DIPK1A: variants seen among roughly 807,000 people sequenced by gnomAD.
The protein encoded by DIPK1A is family with sequence similarity 69 member A.
In DIPK1A, 27 loss-of-function variants were observed where a neutral mutation model predicts 40.8. That is an observed-to-expected ratio of 0.66 (90% confidence interval 0.49 to 0.91). The LOEUF (loss-of-function observed/expected upper bound fraction) is 0.91. DIPK1A is among the 40% of genes least tolerant of loss of function. DIPK1A has a pLI of 0.00. For synonymous variants in DIPK1A, 166 were observed against 171.3 expected (o/e 0.97, Z 0.24); for missense variants, 412 against 505.7 (o/e 0.81, Z 1.78).
At chr1:92,902,253 C>T (rs187310165) in intron 1 of DIPK1A, among the ~76,000 whole-genome samples, 353 of 152,324 alleles carry the variant, frequency 2.3e-3, no homozygotes, top group African/African-American at 7.1e-3. Context: ...GTTACTACTT[C>T]AGCTCTGGCC....
In DIPK1A at chr1:92,847,305, G is replaced by A; in HGVS notation, c.352C>T (p.Gln118Ter). 6.2e-7 allele frequency: 1 copy of A among 1,612,122 alleles called. No homozygotes were observed. Among genetic ancestry groups the A allele is most frequent in the Non-Finnish European group, 8.5e-7 (1 of 1,179,028 alleles). The change falls in exon 4 of 5, where the codon CAA becomes TAA. Residue 118 changes from glutamine (Q) to a stop codon, truncating the protein, a stop_gained. Transcript: ENST00000370310. LOFTEE classifies it high-confidence loss of function. Reference sequence around the variant, plus strand: ...GTTCCAAAATCAAGATGAAGCGCTTGTTCCATTTGACATTTCACAACACCT... The same window carrying A: ...GTTCCAAAATCAAGATGAAGCGCTTATTCCATTTGACATTTCACAACACCT... ...LPGVVKCQME[Q>*]ALHLDFGTEL...
rs1687069931 is a variant in DIPK1A at position 92,835,194 on chromosome 1, G to A, written c.475-2160C>T. On this transcript the variant is annotated intron_variant, in intron 4 of 4. Coordinates refer to the DIPK1A transcript ENST00000615519. ...TAAACTTGAATTTGAAAATCCACTT[G>A]TAGCTAGTGTCTACTTAATTGGACA... 4 of 495,758 alleles carry A rather than the reference G, an allele frequency of 8.1e-6. 1 individual carries two copies. The highest frequency in any genetic ancestry group is 7.4e-6 in the Non-Finnish European group (2 of 271,594). The allele number at this position is 495,758 out of a possible 1,614,324, so 30.7% of individuals were successfully genotyped here. A position where few individuals can be genotyped will look rare whatever the true frequency, so the allele number is the denominator to read the frequency against.
At chr1:92,875,602 A>G (rs1030636376) in intron 2 of DIPK1A, among the ~76,000 whole-genome samples, 1 of 151,792 alleles carries the variant, frequency 6.6e-6, no homozygotes, top group Non-Finnish European at 1.5e-5. Flanking sequence ...CTGTGATTCC[A>G]GCTACTTGGG....
intron 1 of DIPK1A, among the ~76,000 whole-genome samples, chr1:92,959,902 A>ATTTTTTTTTTTTTTTTTT (rs1557502636): frequency 0.012 from 531 of 43,080 alleles, 58 homozygotes; most frequent in Non-Finnish European, 0.014. Context: ...CACCCAACCA[A>ATTTTTTTTTTTTTTTTTT]CTTTTTTTTT....
At chr1:92,887,254 T>TAAAA (rs60399090) in intron 1 of DIPK1A, among the ~76,000 whole-genome samples, 7 of 106,874 alleles carry the variant, frequency 6.5e-5, no homozygotes, top group South Asian at 3.5e-4. Flanking sequence ...CCATCTCTAC[T>TAAAA]AAAAAAAAAA....
At chr1:92,891,081 T>C (rs2100801604) in intron 1 of DIPK1A, among the ~76,000 whole-genome samples, 1 of 152,286 alleles carries the variant, frequency 6.6e-6, no homozygotes, top group African/African-American at 2.4e-5. Flanking sequence ...CCATTTCCTC[T>C]AGTTTTCTAA....
chr1:92,866,439 C>A (rs1647547195), intron 2 of DIPK1A, among the ~76,000 whole-genome samples: 2 of 152,120 alleles, frequency 1.3e-5, no homozygotes, highest in Non-Finnish European at 2.9e-5. Flanking sequence ...CTCTATGAAG[C>A]CTTTCCCCAC....
chr1:92,893,734 C>A (rs1649018011), intron 1 of DIPK1A, among the ~76,000 whole-genome samples: 1 of 152,012 alleles, frequency 6.6e-6, no homozygotes, highest in Admixed American at 6.6e-5. Flanking sequence ...CAAGACCCAT[C>A]AGTGTGCTGT....
rs182288322 is a variant in DIPK1A, at chr1:92,929,050, T to C, written c.54+32326A>G. Among the ~76,000 whole-genome samples, 202 of 152,346 alleles carry C rather than the reference T, an allele frequency of 1.3e-3. 1 individual carries two copies. Among genetic ancestry groups the C allele is most frequent in the African/African-American group, 4.7e-3 (194 of 41,572 alleles). On this transcript the variant is annotated intron_variant, in intron 1 of 4. Transcript: ENST00000370310. Reference sequence around the variant, plus strand: ...CAATTACTATACATATTTTCTTTCATAGTCCTCAAGCATATTTATAATGAC... The same window carrying C: ...CAATTACTATACATATTTTCTTTCACAGTCCTCAAGCATATTTATAATGAC...
At chr1:92,953,446 T>A (rs899702943) in intron 1 of DIPK1A, among the ~76,000 whole-genome samples, 1 of 152,114 alleles carries the variant, frequency 6.6e-6, no homozygotes, top group Non-Finnish European at 1.5e-5. Flanking sequence ...CAAAGAGATA[T>A]TTGCACTCCC....
At chr1:92,834,877 T>G in intron 4 of DIPK1A, 1 of 1,604,146 alleles carries the variant, frequency 6.2e-7, no homozygotes, top group Non-Finnish European at 8.5e-7. Context: ...CAAATTATGC[T>G]GCAGCATATT....
At chr1:92,930,129 C>T (rs1187404126) in intron 1 of DIPK1A, among the ~76,000 whole-genome samples, 1 of 152,186 alleles carries the variant, frequency 6.6e-6, no homozygotes, top group Non-Finnish European at 1.5e-5. Context: ...TACAACCCCA[C>T]TTACAGGTCC....
chr1:92,914,522 C>A (rs1649966295), intron 1 of DIPK1A, among the ~76,000 whole-genome samples: 1 of 152,100 alleles, frequency 6.6e-6, no homozygotes, highest in South Asian at 2.1e-4. Flanking sequence ...GTAATCCCAG[C>A]ACTTTGGGAG....
At chr1:92,922,301 C>A (rs1650298852) in intron 1 of DIPK1A, among the ~76,000 whole-genome samples, 1 of 145,480 alleles carries the variant, frequency 6.9e-6, no homozygotes, top group Non-Finnish European at 1.5e-5. Context: ...TGAAATATTT[C>A]TTTTCAGTTT....
intron 1 of DIPK1A, chr1:92,932,190 C>T (rs1162196144): frequency 5.7e-5 from 10 of 174,776 alleles, no homozygotes; most frequent in Non-Finnish European, 1.1e-4. Flanking sequence ...CCTGTAATCC[C>T]AGCACTTTGG....
rs1557450291 is a variant in DIPK1A at position 92,846,891 on chromosome 1, ACG to A, written c.474+290_474+291del. ...TATATATATATATATATACACACAC[ACG>A]TATATATATATATACGTGTATATAT... On this transcript the variant is annotated intron_variant, in intron 4 of 4. Transcript: ENST00000370310. 4.5e-4 allele frequency among the ~76,000 whole-genome samples: 22 copies of A among 49,418 alleles called. 3 individuals are homozygous for A. The highest frequency in any genetic ancestry group is 1.0e-3 in the South Asian group (2 of 1,954). The allele number at this position is 49,418 out of a possible 152,430, so 32.4% of individuals were successfully genotyped here. A position where few individuals can be genotyped will look rare whatever the true frequency, so the allele number is the denominator to read the frequency against.
intron 2 of DIPK1A, among the ~76,000 whole-genome samples, chr1:92,871,959 A>T (rs1226997887): frequency 6.6e-6 from 1 of 151,320 alleles, no homozygotes; most frequent in East Asian, 1.9e-4. Flanking sequence ...CCTGATTTCA[A>T]TTTTTTTGGT....
chr1:92,840,905 CT>C, downstream of DIPK1A: 1 of 574,162 alleles, frequency 1.7e-6, no homozygotes. Context: ...TTTTGTTGAT[CT>C]TTCATGTTTT....
At chr1:92,902,376 G>C (rs924906444) in intron 1 of DIPK1A, among the ~76,000 whole-genome samples, 1 of 152,118 alleles carries the variant, frequency 6.6e-6, no homozygotes, top group Non-Finnish European at 1.5e-5. Context: ...ACTGGGCTGG[G>C]GTAGTTCAGC....
Sources: gnomAD v4.1 joint callset for allele counts (sites outside exome capture counted in the v4.1 genomes callset) on GRCh38, gnomAD v4.1.1 for gene constraint, MANE v1.5 for transcripts, NCBI Gene and HGNC (gene_info 2026-07-23, HGNC 2026-07-21) for gene names.